PYGM: variants seen among roughly 807,000 people sequenced by gnomAD.
PYGM encodes the protein glycogen phosphorylase, muscle form.
A neutral mutation model predicts 99.3 loss-of-function variants in PYGM; 81 were observed. That is an observed-to-expected ratio of 0.82 (90% CI 0.68 to 0.98). The LOEUF (loss-of-function observed/expected upper bound fraction) is 0.98. Among genes scored for constraint, PYGM ranks in the 50% least tolerant of loss-of-function variants. The pLI is 0.00. For missense variants in PYGM, 1,030 were observed against 1,158.1 expected (o/e 0.89, Z 1.61); for synonymous variants, 436 against 451.5 (o/e 0.97, Z 0.44).
Position 64,754,297 on chromosome 11 carries a change from G to C in PYGM, c.1048C>G (p.Leu350Val), listed in dbSNP as rs1391890581. The change falls in exon 9 of 20, where the codon CTG becomes GTG. Residue 350 changes from leucine (L) to valine (V), a missense_variant. Physicochemically the swap from Leu to Val is conservative, Grantham distance 32. Coordinates refer to ENST00000164139, the MANE Select transcript of PYGM (RefSeq NM_005609.4). This position sits in a 1 kb window ranked among gnomAD's most constrained non-coding sequence, Gnocchi z 5.5. The part of the protein sequence containing the change: ...DTHPSLAIPE[L>V]MRILVDLERM... ...TCCAGGTCCACCAGGATCCTCATCAGCTCGGGGATGGCCAGGGAGGGGTGG... is the reference window on the plus strand; with the variant it reads ...TCCAGGTCCACCAGGATCCTCATCACCTCGGGGATGGCCAGGGAGGGGTGG... 2 of 1,613,730 alleles carry C rather than the reference G, an allele frequency of 1.2e-6. No individual in the cohort carries two copies. The highest frequency in any genetic ancestry group is 2.7e-5 in the African/African-American group (2 of 74,906).
At chr11:64,749,960 T>C (rs1408946721) in intron 17 of PYGM, among the ~76,000 whole-genome samples, 1 of 151,896 alleles carries the variant, frequency 6.6e-6, no homozygotes, top group African/African-American at 2.4e-5. Context: ...GCCCGGCTAA[T>C]TTTTTGTATT....
intron 13 of PYGM, 21 bp from the exon 14 acceptor site, chr11:64,752,092 G>A: frequency 6.2e-7 from 1 of 1,613,984 alleles, no homozygotes; most frequent in Non-Finnish European, 8.5e-7. Context: ...AGACGGGGAA[G>A]GGCTCACCAA....
At position 64,754,532 on chromosome 11, in the gene PYGM, C is replaced by T; in HGVS notation, c.999+161G>A. 8.5e-7 allele frequency: 1 copy of T among 1,181,460 alleles called. No homozygotes were observed. Among genetic ancestry groups the T allele is most frequent in the African/African-American group, 1.5e-5 (1 of 66,030 alleles). 73.2% of individuals were successfully genotyped at this position (1,181,460 alleles called of 1,614,324 possible). On this transcript the variant is annotated intron_variant, in intron 8 of 19. Coordinates refer to ENST00000164139, the MANE Select transcript of PYGM (RefSeq NM_005609.4). The surrounding 1 kb of genome is among the most constrained non-coding windows in gnomAD (Gnocchi z 5.5). ...GTGGGGCGGGAGGAGGAGGGAAGCC[C>T]AGGTTCTGAGCCTGTGGATTGTGAA...
At chr11:64,760,166 C>T, upstream of PYGM, 1 of 510,526 alleles carries the variant, frequency 2.0e-6, no homozygotes. Context: ...CAGGCCTGTG[C>T]TGACCCACTT....
rs1310345038 is a variant in PYGM, at chr11:64,758,605, G to C, written c.343C>G (p.Gln115Glu). ...GGCTTGCCCCACCCCACACACACCT[G>C]GTAGGTGGCCTCGTCACAGGCATTC... The part of the protein sequence containing the change: ...LENACDEATY[Q>E]LGLDMEELEE... Residue 115 changes from glutamine to glutamate, a missense_variant and splice_region_variant, in exon 2 of 20, where the codon CAG (glutamine) becomes GAG (glutamate). By Grantham distance (29) the Gln-to-Glu change is conservative (BLOSUM62 2). Coordinates refer to ENST00000164139, the MANE Select transcript of PYGM (RefSeq NM_005609.4). 6.2e-7 allele frequency: 1 copy of C among 1,613,100 alleles called. No homozygotes were observed. The highest frequency in any genetic ancestry group is 1.7e-5 in the Admixed American group (1 of 60,026).
upstream of PYGM, chr11:64,760,047 G>GC: frequency 1.6e-6 from 2 of 1,273,318 alleles, no homozygotes; most frequent in Non-Finnish European, 2.1e-6. Context: ...GCAATGGGAG[G>GC]GTCTTGGCCT....
chr11:64,754,358 G>C lies in PYGM; in HGVS notation c.1000-13C>G, dbSNP rs779002909. 1 of 1,589,590 alleles carries C rather than the reference G, an allele frequency of 6.3e-7. No individual in the cohort carries two copies. Among genetic ancestry groups the C allele is most frequent in the African/African-American group, 1.3e-5 (1 of 74,344 alleles). ...GCTGGATGGCCACCTGGGGTAGGGG[G>C]AGGGGTCAGTCTGGGCTCCAAACCA... On this transcript the variant is annotated splice_polypyrimidine_tract_variant and intron_variant, in intron 8 of 19. Coordinates refer to ENST00000164139, the MANE Select transcript of PYGM (RefSeq NM_005609.4). This position sits in a 1 kb window ranked among gnomAD's most constrained non-coding sequence, Gnocchi z 5.5.
Position 64,754,638 on chromosome 11 carries a change from G to A in PYGM, c.999+55C>T, listed in dbSNP as rs533797578. 6.2e-7 allele frequency: 1 copy of A among 1,602,484 alleles called. No homozygotes were observed. The highest frequency in any genetic ancestry group is 8.5e-7 in the Non-Finnish European group (1 of 1,174,224). ...GGGGCAGGCAGGCCGAGGCTGGAGG[G>A]AGAGGCCTAGCACACACTGTCCGGT... On this transcript the variant is annotated intron_variant, in intron 8 of 19. Coordinates refer to ENST00000164139, the MANE Select transcript of PYGM (RefSeq NM_005609.4). The surrounding 1 kb of genome is among the most constrained non-coding windows in gnomAD (Gnocchi z 5.5).
chr11:64,751,411 C>T lies in PYGM; in HGVS notation c.1883G>A (p.Gly628Glu), dbSNP rs985430793. Residue 628 changes from glycine to glutamate, a missense_variant, in exon 16 of 20, where the codon GGG (glycine) becomes GAG (glutamate). Physicochemically the swap from Gly to Glu is moderately conservative, Grantham distance 98. Coordinates refer to ENST00000164139, the MANE Select transcript of PYGM (RefSeq NM_005609.4). ...KMIIRLVTAI[G>E]DVVNHDPAVG... ...TGCCGGGTCATGGTTGACCACATCC[C>T]CGATGGCTGTGACGAGTCTGATGAT... The T allele has an allele frequency of 1.2e-6, 2 of 1,614,034 alleles. No individual in the cohort carries two copies. The highest frequency in any genetic ancestry group is 2.7e-5 in the African/African-American group (2 of 74,912).
Position 64,755,509 on chromosome 11 carries a change from T to C in PYGM, c.710A>G (p.Asn237Ser), listed in dbSNP as rs771073706. The C allele has an allele frequency of 1.6e-5, 26 of 1,613,960 alleles. No homozygotes were observed. The Admixed American group carries it at 4.3e-4, about 27-fold the overall frequency. The change falls in exon 6 of 20, where the codon AAT (asparagine) becomes AGT (serine). Residue 237 changes from asparagine (N) to serine (S), a missense_variant. By Grantham distance (46) the Asn-to-Ser change is conservative. Transcript: ENST00000164139. This position sits in a 1 kb window ranked among gnomAD's most constrained non-coding sequence, Gnocchi z 4.1. ...CCAGAGGCGCATGGTGTTGACAACA[T>C]TGTTGCGATAGCCAGGCACGGGCGT... ...YDTPVPGYRN[N>S]VVNTMRLWSA...
Position 64,753,956 on chromosome 11 carries a change from A to T in PYGM, c.1162T>A (p.Trp388Arg), listed in dbSNP as rs764264311. 2.5e-6 allele frequency: 4 copies of T among 1,604,476 alleles called. No homozygotes were observed. The Admixed American group carries it at 6.8e-5, about 27-fold the overall frequency. The change falls in exon 10 of 20, where the codon TGG becomes AGG. Residue 388 changes from tryptophan to arginine, a missense_variant. Physicochemically the swap from Trp to Arg is moderately radical, Grantham distance 101 (BLOSUM62 -3). Transcript: ENST00000164139. ...AGCGTCTCCAAGAGGTGCACCGGCC[A>T]GCGCTCCAGGGCCTCGGGCAGCACC... ...HTVLPEALERWPVHLLETLLP... is the reference protein window; with the variant it reads ...HTVLPEALERRPVHLLETLLP...
chr11:64,757,955 C>T (rs1224478116), intron 4 of PYGM, 45 bp from the exon 5 acceptor site: 1 of 1,611,606 alleles, frequency 6.2e-7, no homozygotes, highest in Non-Finnish European at 8.5e-7. Flanking sequence ...AGTATCAGTA[C>T]AGGCACTCAC....
rs1422296180 is a variant in PYGM at position 64,758,529 on chromosome 11, G to A, written c.346-14C>T. On this transcript the variant is annotated splice_polypyrimidine_tract_variant and intron_variant, in intron 2 of 19. Transcript: ENST00000164139. ...GTCCAGGCCCAGCTGGAGGAGTGAG[G>A]GTGACAGTGGTCAGGGTCAAGTGTC... 1 of 1,614,056 alleles carries A rather than the reference G, an allele frequency of 6.2e-7. No individual in the cohort carries two copies.
chr11:64,753,710 C>G, intron 10 of PYGM, 28 bp from the exon 11 acceptor site: 1 of 1,596,976 alleles, frequency 6.3e-7, no homozygotes, highest in Non-Finnish European at 8.5e-7. Flanking sequence ...AGAGCTAGAA[C>G]CAGACCCAGG....
intron 4 of PYGM, 124 bp downstream of exon 4, chr11:64,758,122 G>A: frequency 1.5e-6 from 2 of 1,366,972 alleles, no homozygotes; most frequent in South Asian, 2.3e-5. Context: ...CGGGGGGTGG[G>A]GAGCAGCAAG....
At chr11:64,753,841 C>A in intron 10 of PYGM, 38 bp downstream of exon 10, 1 of 1,551,414 alleles carries the variant, frequency 6.4e-7, no homozygotes, top group Non-Finnish European at 8.7e-7. Context: ...GGGTGTCCCC[C>A]CTCACCCCCA....
Position 64,758,612 on chromosome 11 carries a change from G to A in PYGM, c.336C>T (p.Ala112=). ...NLALENACDE[A]TYQLGLDMEE... is the part of the protein sequence containing the mutation. Reference sequence around the variant, plus strand: ...CCCACCCCACACACACCTGGTAGGTGGCCTCGTCACAGGCATTCTCTAAGG... The same window carrying A: ...CCCACCCCACACACACCTGGTAGGTAGCCTCGTCACAGGCATTCTCTAAGG... Residue 112 remains alanine (A), a synonymous_variant, in exon 2 of 20, where the codon GCC becomes GCT. Transcript: ENST00000164139. The A allele has an allele frequency of 6.2e-7, 1 of 1,613,378 alleles. No homozygotes were observed. Among genetic ancestry groups the A allele is most frequent in the Non-Finnish European group, 8.5e-7 (1 of 1,179,354 alleles).
In PYGM at chr11:64,746,464, C is replaced by T. The variant is rs2058305031; in HGVS notation, c.*195G>A. The stretch of plus-strand genomic sequence containing the variant: ...TCAGACCCCATAAATAGGAGGGGAC[C>T]GGGAGCCCGAGGACGGAAGGGGGCC... On this transcript the variant is annotated 3_prime_UTR_variant, in exon 20 of 20. Transcript: ENST00000164139. 4.2e-6 allele frequency: 3 copies of T among 716,640 alleles called. No homozygotes were observed. Among genetic ancestry groups the T allele is most frequent in the Non-Finnish European group, 6.9e-6 (3 of 431,902 alleles). 44.4% of individuals were successfully genotyped at this position (716,640 alleles called of 1,614,324 possible).
Position 64,758,299 on chromosome 11 carries a change from C to T in PYGM, c.475G>A (p.Gly159Arg), listed in dbSNP as rs760654579. The T allele has an allele frequency of 5.0e-6, 8 of 1,614,036 alleles. No homozygotes were observed. Among genetic ancestry groups the T allele is most frequent in the Middle Eastern group, 1.6e-4 (1 of 6,084 alleles). ...AAAATCCCAAACTCATAGCGAATCC[C>T]GTAGCCATAGGCGGCCAGGCCCAGT... is the stretch of plus-strand genomic sequence containing the variant. ...ATLGLAAYGY[G>R]IRYEFGIFNQ... The change falls in exon 4 of 20, where the codon GGG (glycine) becomes AGG (arginine). Residue 159 changes from glycine to arginine, a missense_variant. By Grantham distance (125) the Gly-to-Arg change is moderately radical. Coordinates refer to ENST00000164139, the MANE Select transcript of PYGM (RefSeq NM_005609.4).
Sources: gnomAD v4.1 joint callset for allele counts (sites outside exome capture counted in the v4.1 genomes callset) on GRCh38, gnomAD v4.1.1 for gene constraint, Gnocchi (gnomAD v3.1) non-coding constraint, MANE v1.5 for transcripts, NCBI Gene and HGNC (gene_info 2026-07-23, HGNC 2026-07-21) for gene names.